Variants in FAM120B observed in about 807,000 individuals in gnomAD.
FAM120B encodes the protein family with sequence similarity 120 member B.
FAM120B carries 83 observed loss-of-function variants against 96.3 expected under a neutral mutation model. The ratio of observed to expected loss-of-function variants is 0.86; its 90% CI spans 0.72 to 1.03. FAM120B has a LOEUF of 1.03. Ranked by LOEUF, FAM120B falls within the 50% of genes least tolerant of loss-of-function variation. The pLI, the probability that FAM120B is intolerant of heterozygous loss-of-function variation, is 0.00. For missense variants in FAM120B, 1,027 were observed against 1,121.2 expected, an observed-to-expected ratio of 0.92 and a Z score of 1.20; for synonymous variants, 407 against 402.7, an observed-to-expected ratio of 1.01 and a Z score of -0.13.
In FAM120B at chr6:170,357,640, T is replaced by G. The variant is rs142908899; in HGVS notation, c.2191-586T>G. On this transcript the variant is annotated intron_variant, in intron 5 of 10. Coordinates refer to ENST00000476287, the MANE Select transcript of FAM120B (RefSeq NM_032448.3). ...AGCCCAGCTGTGGATATTCGCTCTC[T>G]GAAAACCCCTGAACTGTTTGCTCTG... 7.7e-3 allele frequency among the ~76,000 whole-genome samples: 1,167 copies of G among 152,342 alleles called. 3 individuals are homozygous for G. Among genetic ancestry groups the G allele is most frequent in the Non-Finnish European group, 0.011 (778 of 68,030 alleles).
At chr6:170,360,786 G>C (rs74779978) in intron 6 of FAM120B, among the ~76,000 whole-genome samples, 2,484 of 152,178 alleles carry the variant, frequency 0.016, 65 homozygotes, top group African/African-American at 0.053. Context: ...ATGGCACTAA[G>C]AACAGAAAGT....
At chr6:170,341,450 G>C (rs577797252) in intron 4 of FAM120B, among the ~76,000 whole-genome samples, 1 of 152,294 alleles carries the variant, frequency 6.6e-6, no homozygotes, top group African/African-American at 2.4e-5. Flanking sequence ...AATGGGACCC[G>C]CTGAGTGAGA....
intron 9 of FAM120B, among the ~76,000 whole-genome samples, chr6:170,399,573 CT>C (rs1351242411): frequency 6.6e-6 from 1 of 150,608 alleles, no homozygotes; most frequent in East Asian, 2.1e-4. Flanking sequence ...AAAGGTAGAA[CT>C]ATGTCATAAC....
At chr6:170,358,588 G>A (rs1788127752) in intron 6 of FAM120B, among the ~76,000 whole-genome samples, 1 of 152,208 alleles carries the variant, frequency 6.6e-6, no homozygotes, top group Non-Finnish European at 1.5e-5. Context: ...GAAGAGAATA[G>A]GTTATGTGGT....
chr6:170,398,120 A>T (rs899004325), intron 9 of FAM120B, among the ~76,000 whole-genome samples: 3 of 152,256 alleles, frequency 2.0e-5, no homozygotes, highest in African/African-American at 7.2e-5. Flanking sequence ...GTCACAGAGG[A>T]AACTGTAAAG....
chr6:170,389,190 T>C (rs528787751), intron 7 of FAM120B, among the ~76,000 whole-genome samples: 59 of 152,300 alleles, frequency 3.9e-4, no homozygotes, highest in African/African-American at 1.4e-3. Context: ...ATGAGATATC[T>C]TGGGGCTGAG....
intron 1 of FAM120B, among the ~76,000 whole-genome samples, chr6:170,309,762 GA>G (rs1784484299): frequency 6.6e-6 from 1 of 152,204 alleles, no homozygotes; most frequent in Admixed American, 6.5e-5. Flanking sequence ...CTGAATAGCA[GA>G]GGAGTTTTCT....
At chr6:170,380,190 T>A (rs2115282626) in intron 6 of FAM120B, among the ~76,000 whole-genome samples, 1 of 152,358 alleles carries the variant, frequency 6.6e-6, no homozygotes, top group South Asian at 2.1e-4. Context: ...TTTTTTCTTT[T>A]TTTTTTAGTA....
intron 7 of FAM120B, among the ~76,000 whole-genome samples, chr6:170,389,282 T>A (rs1790356621): frequency 1.3e-5 from 2 of 152,350 alleles, no homozygotes; most frequent in Middle Eastern, 3.4e-3. Flanking sequence ...ACAGTATTAT[T>A]AATGACGTGC....
intron 1 of FAM120B, among the ~76,000 whole-genome samples, chr6:170,309,065 A>T (rs1784448807): frequency 6.6e-6 from 1 of 152,352 alleles, no homozygotes; most frequent in Non-Finnish European, 1.5e-5. Flanking sequence ...CTTAATGGAA[A>T]TCATAAAAGC....
intron 1 of FAM120B, among the ~76,000 whole-genome samples, chr6:170,300,901 C>T (rs73031203): frequency 1.3e-5 from 2 of 152,218 alleles, no homozygotes; most frequent in African/African-American, 4.8e-5. Flanking sequence ...TAAACCCCCC[C>T]CTCCTGGCTG....
chr6:170,365,232 C>T (rs1788708420), intron 6 of FAM120B, among the ~76,000 whole-genome samples: 1 of 152,188 alleles, frequency 6.6e-6, no homozygotes, highest in Admixed American at 6.5e-5. Context: ...TTTTCTGAGA[C>T]CAAAATGTCA....
intron 6 of FAM120B, among the ~76,000 whole-genome samples, chr6:170,373,192 T>G (rs1199957425): frequency 2.0e-5 from 3 of 152,230 alleles, no homozygotes; most frequent in African/African-American, 7.2e-5. Flanking sequence ...GACCCTGGAC[T>G]CTATGGCCTC....
intron 6 of FAM120B, among the ~76,000 whole-genome samples, chr6:170,379,515 C>T (rs944013642): frequency 5.9e-5 from 9 of 152,104 alleles, no homozygotes; most frequent in Admixed American, 1.3e-4. Flanking sequence ...ACCTGAAATC[C>T]GAAAAGCTCC....
At position 170,389,995 on chromosome 6, in the gene FAM120B, G is replaced by T. The variant is rs551112119; in HGVS notation, c.2491-1018G>T. Among the ~76,000 whole-genome samples the T allele has an allele frequency of 2.0e-5, 3 of 152,318 alleles. No individual in the cohort carries two copies. In the South Asian group the frequency reaches 6.2e-4, roughly 32 times the overall value. ...AAAGGCTGCCAATTTAGTTGGGGAC[G>T]CTGGCTGCTGTCCAGCTTAATAAAT... On this transcript the variant is annotated intron_variant, in intron 7 of 10. Coordinates refer to ENST00000476287, the MANE Select transcript of FAM120B (RefSeq NM_032448.3).
rs1009451063 is a variant in FAM120B, at chr6:170,317,386, C to G, written c.-5C>G. ...TCTTTCCAGATCCTTTCCCGGAGTT[C>G]AGTTATGGGTGTGAGAGGTTTGCAA... On this transcript the variant is annotated 5_prime_UTR_variant, in exon 2 of 11. Coordinates refer to ENST00000476287, the MANE Select transcript of FAM120B (RefSeq NM_032448.3). The G allele has an allele frequency of 1.3e-6, 2 of 1,595,808 alleles. No homozygotes were observed. Among genetic ancestry groups the G allele is most frequent in the Non-Finnish European group, 1.7e-6 (2 of 1,165,614 alleles).
intron 1 of FAM120B, among the ~76,000 whole-genome samples, chr6:170,297,637 G>A (rs1784046876): frequency 6.6e-6 from 1 of 152,142 alleles, no homozygotes; most frequent in Admixed American, 6.5e-5. Flanking sequence ...ACTGGGCGTG[G>A]GTTATTGCAA....
At position 170,370,426 on chromosome 6, in the gene FAM120B, T is replaced by C. The variant is rs1240360101; in HGVS notation, c.2283+12108T>C. Among the ~76,000 whole-genome samples, 2 of 152,224 alleles carry C rather than the reference T, an allele frequency of 1.3e-5. No individual in the cohort carries two copies. Among genetic ancestry groups the C allele is most frequent in the Non-Finnish European group, 2.9e-5 (2 of 68,026 alleles). On this transcript the variant is annotated intron_variant, in intron 6 of 10. Coordinates refer to ENST00000476287, the MANE Select transcript of FAM120B (RefSeq NM_032448.3). This position sits in a 1 kb window ranked among gnomAD's most constrained non-coding sequence, Gnocchi z 4.3. Reference sequence around the variant, plus strand: ...GGGGTGAGGCAGAGGACCCTGTTTCTGTAGGGCTCCCAGTTTCTCTGTGCC... The same window carrying C: ...GGGGTGAGGCAGAGGACCCTGTTTCCGTAGGGCTCCCAGTTTCTCTGTGCC...
At chr6:170,386,743 G>A (rs757154376) in intron 6 of FAM120B, among the ~76,000 whole-genome samples, 1 of 152,178 alleles carries the variant, frequency 6.6e-6, no homozygotes, top group Admixed American at 6.5e-5. Flanking sequence ...CTTTCCAACT[G>A]TTTCTCTAAG....
Sources: gnomAD v4.1 joint callset for allele counts (sites outside exome capture counted in the v4.1 genomes callset) on GRCh38, gnomAD v4.1.1 for gene constraint, Gnocchi (gnomAD v3.1) non-coding constraint, MANE v1.5 for transcripts, NCBI Gene and HGNC (gene_info 2026-07-23, HGNC 2026-07-21) for gene names.